Variants in WWOX observed in about 807,000 individuals in gnomAD.
WWOX encodes WW domain containing oxidoreductase.
In WWOX, 69 loss-of-function variants were observed where a neutral mutation model predicts 46.2. That is an observed-to-expected ratio of 1.49 (90% CI 1.23 to 1.82). The LOEUF (loss-of-function observed/expected upper bound fraction) is 1.82. WWOX is among the 40% of genes most tolerant of loss of function. The probability of loss-of-function intolerance (pLI) is 0.00; values close to 1 mark genes in which losing one functional copy is unlikely to be tolerated. For synonymous variants in WWOX, 359 were observed against 202.6 expected (o/e 1.77, Z -6.56); for missense variants, 919 against 542.6 (o/e 1.69, Z -6.89).
intron 8 of WWOX, among the ~76,000 whole-genome samples, chr16:79,196,095 A>G (rs1258310866): frequency 6.6e-6 from 1 of 152,216 alleles, no homozygotes; most frequent in Non-Finnish European, 1.5e-5. Flanking sequence ...AGCCAAAAGT[A>G]GCTTCGAGGT....
At chr16:78,711,972 A>C (rs1160058000) in intron 8 of WWOX, among the ~76,000 whole-genome samples, 2 of 152,184 alleles carry the variant, frequency 1.3e-5, no homozygotes, top group Admixed American at 6.5e-5. Context: ...CTTGGACATT[A>C]AATCTTCCAT....
intron 8 of WWOX, among the ~76,000 whole-genome samples, chr16:78,924,046 G>C (rs1048914805): frequency 6.6e-6 from 1 of 151,900 alleles, no homozygotes; most frequent in African/African-American, 2.4e-5. Flanking sequence ...TTGATATCCT[G>C]ATTTCGTGAT....
chr16:78,828,461 G>T (rs930922008), intron 8 of WWOX, among the ~76,000 whole-genome samples: 1 of 152,066 alleles, frequency 6.6e-6, no homozygotes, highest in African/African-American at 2.4e-5. Flanking sequence ...CCTGCCATCT[G>T]CCTGTGGGGT....
chr16:78,169,355 C>T (rs975145395), intron 5 of WWOX, among the ~76,000 whole-genome samples: 6 of 151,824 alleles, frequency 4.0e-5, no homozygotes, highest in African/African-American at 1.5e-4. Flanking sequence ...TGTCTGAGTC[C>T]TGCATTACCA....
At chr16:78,375,504 G>C (rs1208336273) in intron 5 of WWOX, among the ~76,000 whole-genome samples, 1 of 152,180 alleles carries the variant, frequency 6.6e-6, no homozygotes, top group Non-Finnish European at 1.5e-5. Context: ...CTGTGCATCA[G>C]GTATTAGAGA....
chr16:78,376,328 A>T (rs2081824883), intron 5 of WWOX, among the ~76,000 whole-genome samples: 2 of 152,206 alleles, frequency 1.3e-5, no homozygotes, highest in South Asian at 4.1e-4. Context: ...CTTTAGTGGA[A>T]CTACAATACT....
rs891703597 is a variant in WWOX at position 78,408,457 on chromosome 16, G to C, written c.606-16413G>C. ...CTCTCCACTGAGAGTTTTCCTTTTAGTTAATAAATTCGGCTCCACTCACTC... is the reference window on the plus strand; with the variant it reads ...CTCTCCACTGAGAGTTTTCCTTTTACTTAATAAATTCGGCTCCACTCACTC... On this transcript the variant is annotated intron_variant, in intron 6 of 8. Coordinates refer to ENST00000566780, the MANE Select transcript of WWOX (RefSeq NM_016373.4). Among the ~76,000 whole-genome samples, 4 of 152,204 alleles carry C rather than the reference G, an allele frequency of 2.6e-5. No homozygotes were observed. In the East Asian group the frequency reaches 7.7e-4, roughly 29 times the overall value.
At chr16:79,190,082 C>T (rs182156265) in intron 8 of WWOX, among the ~76,000 whole-genome samples, 8 of 152,190 alleles carry the variant, frequency 5.3e-5, no homozygotes, top group Admixed American at 2.6e-4. Context: ...CCCAGGGCGG[C>T]GGTGTGATCT....
chr16:78,849,356 G>A (rs1567602444), intron 8 of WWOX, among the ~76,000 whole-genome samples: 1 of 150,836 alleles, frequency 6.6e-6, no homozygotes, highest in Non-Finnish European at 1.5e-5. Flanking sequence ...GGGATCACGA[G>A]GTCGGGAGAT....
At chr16:78,224,596 G>C (rs2036991249) in intron 5 of WWOX, among the ~76,000 whole-genome samples, 1 of 152,104 alleles carries the variant, frequency 6.6e-6, no homozygotes, top group Non-Finnish European at 1.5e-5. Context: ...GTTATTCACA[G>C]CTTTTCTCTA....
At chr16:78,351,187 GATCC>G (rs1311296579) in intron 5 of WWOX, among the ~76,000 whole-genome samples, 1 of 152,174 alleles carries the variant, frequency 6.6e-6, no homozygotes, top group Non-Finnish European at 1.5e-5. Context: ...AGCTTACAGA[GATCC>G]TTCTGGTTCA....
intron 8 of WWOX, among the ~76,000 whole-genome samples, chr16:78,606,161 A>G (rs1307223505): frequency 6.6e-6 from 1 of 152,224 alleles, no homozygotes; most frequent in East Asian, 1.9e-4. Flanking sequence ...CACAGTCAAA[A>G]TTTACCACTG....
At chr16:79,187,722 A>G (rs1043584895) in intron 8 of WWOX, among the ~76,000 whole-genome samples, 2 of 151,894 alleles carry the variant, frequency 1.3e-5, no homozygotes, top group Non-Finnish European at 2.9e-5. Context: ...TTGTATTTTT[A>G]GTAGAGATGG....
chr16:78,775,981 G>T (rs1373793514), intron 8 of WWOX, among the ~76,000 whole-genome samples: 2 of 152,170 alleles, frequency 1.3e-5, no homozygotes, highest in Non-Finnish European at 2.9e-5. Context: ...ACACTTACTA[G>T]GTTTCTCATT....
chr16:79,191,764 A>T (rs1332821533), intron 8 of WWOX, among the ~76,000 whole-genome samples: 1 of 152,210 alleles, frequency 6.6e-6, no homozygotes, highest in East Asian at 1.9e-4. Flanking sequence ...AAGCTCAGGG[A>T]GATGTGACTG....
At chr16:78,747,678 T>A (rs2049380646) in intron 8 of WWOX, among the ~76,000 whole-genome samples, 1 of 152,182 alleles carries the variant, frequency 6.6e-6, no homozygotes, top group Non-Finnish European at 1.5e-5. Context: ...ACTTTCTGAA[T>A]ATGTATACAA....
intron 8 of WWOX, among the ~76,000 whole-genome samples, chr16:78,796,924 C>G (rs1423715445): frequency 6.6e-6 from 1 of 151,018 alleles, no homozygotes; most frequent in South Asian, 2.1e-4. Context: ...CTGCTAAGAT[C>G]AACTGATTCT....
At chr16:79,077,245 T>G (rs2048674999) in intron 8 of WWOX, 1 of 152,144 alleles carries the variant, frequency 6.6e-6, no homozygotes, top group Admixed American at 6.5e-5. Flanking sequence ...TTGCCCACTA[T>G]TAAAATGTGC....
intron 5 of WWOX, among the ~76,000 whole-genome samples, chr16:78,306,995 A>G (rs1309502631): frequency 6.6e-6 from 1 of 152,134 alleles, no homozygotes; most frequent in Non-Finnish European, 1.5e-5. Flanking sequence ...TTTTTCCTTC[A>G]ACGTTTCCTG....
Sources: allele counts gnomAD v4.1 joint callset (sites outside exome capture counted in the v4.1 genomes callset), GRCh38; gene constraint gnomAD v4.1.1; transcripts MANE v1.5; gene names NCBI Gene and HGNC (gene_info 2026-07-23, HGNC 2026-07-21).